The following THSD7B variants were observed in gnomAD, a reference collection of about 807,000 sequenced individuals.
THSD7B encodes the protein thrombospondin type 1 domain containing 7B, also known as thrombospondin type-1 domain-containing protein 7B.
THSD7B carries 138 observed loss-of-function variants against 213.6 expected under a neutral mutation model. The observed-to-expected ratio is 0.65, with a 90% confidence interval of 0.56 to 0.74. The LOEUF (loss-of-function observed/expected upper bound fraction) is 0.74. Among genes scored for constraint, THSD7B ranks in the 30% least tolerant of loss-of-function variants. The pLI, the probability that THSD7B is intolerant of heterozygous loss-of-function variation, is 0.00. For missense variants in THSD7B, 1,931 were observed against 1,991.5 expected, an observed-to-expected ratio of 0.97 and a Z score of 0.58; for synonymous variants, 742 against 687.0, an observed-to-expected ratio of 1.08 and a Z score of -1.25.
At chr2:137,021,742 C>A (rs915427424) in intron 2 of THSD7B, among the ~76,000 whole-genome samples, 4 of 152,204 alleles carry the variant, frequency 2.6e-5, no homozygotes, top group Admixed American at 1.3e-4. Context: ...ATAGACACAC[C>A]CATACTCACC....
intron 1 of THSD7B, among the ~76,000 whole-genome samples, chr2:136,839,076 C>A (rs1573662689): frequency 6.6e-6 from 1 of 152,060 alleles, no homozygotes; most frequent in African/African-American, 2.4e-5. Flanking sequence ...TATAAACTAC[C>A]CTTGAGACAC....
intron 14 of THSD7B, among the ~76,000 whole-genome samples, chr2:137,420,741 A>C (rs1289798886): frequency 1.3e-5 from 2 of 152,196 alleles, no homozygotes; most frequent in African/African-American, 4.8e-5. Flanking sequence ...ATGTGAATTC[A>C]TTCCCTATGA....
chr2:137,214,760 G>A (rs1444258729), intron 7 of THSD7B, among the ~76,000 whole-genome samples: 2 of 152,078 alleles, frequency 1.3e-5, no homozygotes, highest in Admixed American at 1.3e-4. Flanking sequence ...AAGGACATGA[G>A]CGCATCCTTT....
At chr2:137,619,583 GAAA>G (rs528660399) in intron 19 of THSD7B, among the ~76,000 whole-genome samples, 1 of 151,616 alleles carries the variant, frequency 6.6e-6, no homozygotes, top group Non-Finnish European at 1.5e-5. Context: ...CTGTTTCAGG[GAAA>G]AAAAATCATT....
intron 1 of THSD7B, among the ~76,000 whole-genome samples, chr2:136,805,921 G>C (rs1682271999): frequency 2.0e-5 from 3 of 152,118 alleles, no homozygotes; most frequent in Non-Finnish European, 4.4e-5. Context: ...TCCACTTCCA[G>C]CCAACACCTT....
At chr2:137,057,268 A>C (rs1239564867) in intron 3 of THSD7B, 38 bp downstream of exon 3, 9 of 1,495,626 alleles carry the variant, frequency 6.0e-6, no homozygotes, top group Non-Finnish European at 8.1e-6. Context: ...ATTCACCTAA[A>C]ATATTTTATA....
At chr2:137,284,935 G>A (rs1573933929) in intron 12 of THSD7B, among the ~76,000 whole-genome samples, 1 of 152,244 alleles carries the variant, frequency 6.6e-6, no homozygotes, top group South Asian at 2.1e-4. Context: ...GCAGAGCTGA[G>A]TTTAATTCCT....
At chr2:137,285,323 T>G (rs1003362823) in intron 12 of THSD7B, among the ~76,000 whole-genome samples, 7 of 152,102 alleles carry the variant, frequency 4.6e-5, no homozygotes, top group East Asian at 1.9e-4. Context: ...TTCCTGAATA[T>G]AGCACACGGA....
At chr2:137,409,289 G>C (rs912300265) in intron 13 of THSD7B, among the ~76,000 whole-genome samples, 2 of 152,180 alleles carry the variant, frequency 1.3e-5, no homozygotes, top group Admixed American at 1.3e-4. Context: ...TGCAGGTGGG[G>C]CTAAATATGG....
At chr2:136,874,725 C>T (rs1009306168) in intron 1 of THSD7B, among the ~76,000 whole-genome samples, 1 of 152,110 alleles carries the variant, frequency 6.6e-6, no homozygotes, top group Non-Finnish European at 1.5e-5. Context: ...AAAGGAGAAA[C>T]TGTGTTTTTT....
intron 2 of THSD7B, among the ~76,000 whole-genome samples, chr2:136,963,778 A>T (rs1483401846): frequency 6.6e-6 from 1 of 152,246 alleles, no homozygotes; most frequent in Admixed American, 6.5e-5. Context: ...GTTACTGAGA[A>T]GAAAGAGAAA....
intron 12 of THSD7B, among the ~76,000 whole-genome samples, chr2:137,326,870 GA>G (rs1684385427): frequency 6.6e-6 from 1 of 152,088 alleles, no homozygotes; most frequent in South Asian, 2.1e-4. Context: ...CCCCTCCCTT[GA>G]TAAATGCAGT....
At chr2:137,041,035 C>T (rs976421166) in intron 2 of THSD7B, among the ~76,000 whole-genome samples, 1 of 152,062 alleles carries the variant, frequency 6.6e-6, no homozygotes, top group Non-Finnish European at 1.5e-5. Flanking sequence ...ATTAAATTTC[C>T]GTATCTAGTC....
chr2:137,350,598 C>T lies in THSD7B; in HGVS notation c.2501-55015C>T, dbSNP rs185403055. 1.6e-3 allele frequency among the ~76,000 whole-genome samples: 242 copies of T among 151,708 alleles called. 2 individuals are homozygous for T. Among genetic ancestry groups the T allele is most frequent in the Admixed American group, 4.1e-3 (62 of 15,180 alleles). ...CATTGCAGAGCATGAAGTTGGAGAG[C>T]GACATGATTAGATTTATGTCTGAAA... On this transcript the variant is annotated intron_variant, in intron 12 of 27. Transcript: ENST00000409968.
intron 12 of THSD7B, among the ~76,000 whole-genome samples, chr2:137,303,021 C>G (rs992644784): frequency 6.6e-6 from 1 of 151,986 alleles, no homozygotes; most frequent in African/African-American, 2.4e-5. Flanking sequence ...ATTTTTGAAA[C>G]GAGGGTCTTC....
At chr2:137,331,368 G>A (rs1684502918) in intron 12 of THSD7B, among the ~76,000 whole-genome samples, 1 of 151,572 alleles carries the variant, frequency 6.6e-6, no homozygotes, top group Non-Finnish European at 1.5e-5. Context: ...GGCCCCACCA[G>A]AGCAGCTAGA....
intron 17 of THSD7B, among the ~76,000 whole-genome samples, chr2:137,596,474 A>G (rs573335976): frequency 1.3e-5 from 2 of 152,162 alleles, no homozygotes; most frequent in African/African-American, 4.8e-5. Flanking sequence ...CCAAAATCTT[A>G]TCATCATGGT....
chr2:137,251,968 A>G (rs1408506854), intron 10 of THSD7B, among the ~76,000 whole-genome samples: 2 of 152,124 alleles, frequency 1.3e-5, no homozygotes, highest in Non-Finnish European at 2.9e-5. Context: ...TTTAAGCTAC[A>G]TTAGGTAAAA....
At chr2:137,250,542 A>G (rs972038289) in intron 10 of THSD7B, among the ~76,000 whole-genome samples, 1 of 152,226 alleles carries the variant, frequency 6.6e-6, no homozygotes, top group Non-Finnish European at 1.5e-5. Context: ...AACTAACATT[A>G]ATAAATACCA....
Sources: allele counts gnomAD v4.1 joint callset (sites outside exome capture counted in the v4.1 genomes callset), GRCh38; gene constraint gnomAD v4.1.1; transcripts MANE v1.5; gene names NCBI Gene and HGNC (gene_info 2026-07-23, HGNC 2026-07-21).